Variants in MYO3B observed in about 807,000 individuals in gnomAD.
MYO3B encodes myosin IIIB.
Under a neutral mutation model 174.6 loss-of-function variants are expected in MYO3B, and 156 were observed. The ratio of observed to expected loss-of-function variants is 0.89; its 90% CI spans 0.78 to 1.02. The LOEUF is 1.02. MYO3B is among the 50% of genes least tolerant of loss of function. The pLI is 0.00. For missense variants in MYO3B, 1,632 were observed against 1,639.4 expected (o/e 1.00, Z 0.08); for synonymous variants, 563 against 569.1 (o/e 0.99, Z 0.15).
Position 170,414,579 on chromosome 2 carries a change from A to G in MYO3B, c.2650+6735A>G, listed in dbSNP as rs549633644. On this transcript the variant is annotated intron_variant, in intron 22 of 34. Coordinates refer to ENST00000408978, the MANE Select transcript of MYO3B (RefSeq NM_138995.5). Reference sequence around the variant, plus strand: ...GCTGTTCTAGCTCCTTTGTCTTTCCATATAAATTTTAAATGCAGCTTGTCT... The same window carrying G: ...GCTGTTCTAGCTCCTTTGTCTTTCCGTATAAATTTTAAATGCAGCTTGTCT... 7.2e-5 allele frequency among the ~76,000 whole-genome samples: 11 copies of G among 152,276 alleles called. No homozygotes were observed. In the South Asian group the frequency reaches 2.1e-3, roughly 29 times the overall value.
intron 32 of MYO3B, among the ~76,000 whole-genome samples, chr2:170,608,976 T>G (rs994260206): frequency 7.9e-5 from 12 of 152,186 alleles, no homozygotes; most frequent in African/African-American, 2.7e-4. Context: ...GGGAAAGAAA[T>G]AAACAAAGAA....
rs375685460 is a variant in MYO3B at position 170,383,826 on chromosome 2, C to A, written c.1290+12C>A. 2 of 1,590,570 alleles carry A rather than the reference C, an allele frequency of 1.3e-6. No individual in the cohort carries two copies. The highest frequency in any genetic ancestry group is 1.1e-5 in the South Asian group (1 of 90,490). ...TCAGCAAAGACCAGGTAAGAACTCACCTTCCTTTCCTACGGAGTCACCCAG... is the reference window on the plus strand; with the variant it reads ...TCAGCAAAGACCAGGTAAGAACTCAACTTCCTTTCCTACGGAGTCACCCAG... On this transcript the variant is annotated intron_variant, in intron 12 of 34. Transcript: ENST00000408978.
At chr2:170,480,433 C>G (rs1489512759) in intron 25 of MYO3B, among the ~76,000 whole-genome samples, 2 of 152,178 alleles carry the variant, frequency 1.3e-5, no homozygotes, top group Admixed American at 1.3e-4. Flanking sequence ...ACCCTTTCCC[C>G]GGTAACTTGC....
intron 6 of MYO3B, among the ~76,000 whole-genome samples, chr2:170,235,293 C>T (rs1036416190): frequency 2.6e-5 from 4 of 152,208 alleles, no homozygotes; most frequent in East Asian, 1.9e-4. Context: ...AGGAGATGTT[C>T]TTGCCTGACT....
intron 32 of MYO3B, among the ~76,000 whole-genome samples, chr2:170,648,791 T>C (rs193299549): frequency 9.3e-6 from 1 of 107,274 alleles, no homozygotes; most frequent in Admixed American, 1.2e-4. Flanking sequence ...TATTCTATAA[T>C]CTATATAATA....
chr2:170,543,397 GC>G (rs1317253058), intron 31 of MYO3B, among the ~76,000 whole-genome samples: 6 of 152,066 alleles, frequency 3.9e-5, no homozygotes, highest in Admixed American at 3.9e-4. Context: ...TCCAATTTTT[GC>G]TGCCTACTAT....
chr2:170,443,080 T>C (rs1476858103), intron 22 of MYO3B, among the ~76,000 whole-genome samples: 2 of 152,268 alleles, frequency 1.3e-5, no homozygotes, highest in Non-Finnish European at 2.9e-5. Flanking sequence ...ATCGCCACAC[T>C]GTCTTCCACA....
chr2:170,430,174 C>G (rs1337622822), intron 22 of MYO3B, among the ~76,000 whole-genome samples: 3 of 151,986 alleles, frequency 2.0e-5, no homozygotes, highest in Non-Finnish European at 4.4e-5. Context: ...CTCATATATA[C>G]TAATTGCATT....
chr2:170,189,832 G>T (rs1331749192), intron 1 of MYO3B, among the ~76,000 whole-genome samples: 2 of 152,034 alleles, frequency 1.3e-5, no homozygotes, highest in Non-Finnish European at 2.9e-5. Context: ...ATTGGTCCCT[G>T]GTACCTTATT....
At chr2:170,376,494 G>A (rs2094294450) in intron 9 of MYO3B, among the ~76,000 whole-genome samples, 1 of 152,176 alleles carries the variant, frequency 6.6e-6, no homozygotes, top group Non-Finnish European at 1.5e-5. Context: ...ATTGAATGTA[G>A]TGATAAGGGA....
chr2:170,471,414 T>TG (rs1426335276), intron 25 of MYO3B, among the ~76,000 whole-genome samples: 2 of 152,196 alleles, frequency 1.3e-5, no homozygotes, highest in Non-Finnish European at 2.9e-5. Context: ...AAGTTCAATT[T>TG]ATGTATGTTT....
intron 3 of MYO3B, 90 bp from the exon 4 acceptor site, chr2:170,214,289 C>A: frequency 1.1e-6 from 1 of 948,270 alleles, no homozygotes; most frequent in Non-Finnish European, 1.6e-6. Flanking sequence ...TACATTGAAT[C>A]AGTATCAGTC....
chr2:170,485,847 C>T (rs1379255894), intron 25 of MYO3B, among the ~76,000 whole-genome samples: 1 of 152,170 alleles, frequency 6.6e-6, no homozygotes, highest in Non-Finnish European at 1.5e-5. Flanking sequence ...TATATAAACT[C>T]TGTCACTGGA....
At chr2:170,562,982 T>G (rs1420687656) in intron 32 of MYO3B, among the ~76,000 whole-genome samples, 2 of 151,272 alleles carry the variant, frequency 1.3e-5, no homozygotes, top group Non-Finnish European at 2.9e-5. Flanking sequence ...TACTTCCCCA[T>G]GCAGATAAAC....
At chr2:170,388,126 C>T (rs751547914) in intron 14 of MYO3B, among the ~76,000 whole-genome samples, 3 of 151,876 alleles carry the variant, frequency 2.0e-5, no homozygotes, top group Non-Finnish European at 2.9e-5. Flanking sequence ...AGCATGGCTC[C>T]GCACTTCCAT....
chr2:170,562,959 A>AT (rs1456977955), intron 32 of MYO3B, among the ~76,000 whole-genome samples: 1 of 151,502 alleles, frequency 6.6e-6, no homozygotes, highest in African/African-American at 2.4e-5. Context: ...CCTTCTTATA[A>AT]TTTTAGCTTC....
chr2:170,595,136 G>A (rs1361083400), intron 32 of MYO3B, among the ~76,000 whole-genome samples: 4 of 152,148 alleles, frequency 2.6e-5, no homozygotes, highest in Non-Finnish European at 5.9e-5. Context: ...CCTAAGTTTT[G>A]ATTTCTGTAA....
intron 26 of MYO3B, among the ~76,000 whole-genome samples, 185 bp downstream of exon 26, chr2:170,498,888 C>T (rs1403565508): frequency 1.3e-5 from 2 of 152,146 alleles, no homozygotes; most frequent in African/African-American, 2.4e-5. Context: ...GGAGGGTTTG[C>T]CTCCTGTTCT....
intron 32 of MYO3B, among the ~76,000 whole-genome samples, chr2:170,649,515 A>G (rs12692957): frequency 0.94 from 134,167 of 143,050 alleles, 63,137 homozygotes; most frequent in African/African-American, 0.99. Flanking sequence ...TTTAAAAAAC[A>G]TTTCTTCTTA....
Sources: gnomAD v4.1 joint callset for allele counts (sites outside exome capture counted in the v4.1 genomes callset) on GRCh38, gnomAD v4.1.1 for gene constraint, MANE v1.5 for transcripts, NCBI Gene and HGNC (gene_info 2026-07-23, HGNC 2026-07-21) for gene names.